The following ANK1 variants were observed in gnomAD, a reference collection of about 807,000 sequenced individuals.
ANK1 encodes ankyrin 1.
A neutral mutation model predicts 210.4 loss-of-function variants in ANK1; 51 were observed. The ratio of observed to expected loss-of-function variants is 0.24; its 90% CI spans 0.19 to 0.31. ANK1 has a LOEUF of 0.31. Ranked by LOEUF, ANK1 falls within the 10% of genes least tolerant of loss-of-function variation. The pLI, the probability that ANK1 is intolerant of heterozygous loss-of-function variation, is 1.00. For synonymous variants in ANK1, 967 were observed against 1,025.9 expected (o/e 0.94, Z 1.10); for missense variants, 2,051 against 2,504.4 (o/e 0.82, Z 3.86).
At chr8:41,861,066 C>T (rs1813177839) in intron 1 of ANK1, among the ~76,000 whole-genome samples, 1 of 152,172 alleles carries the variant, frequency 6.6e-6, no homozygotes, top group South Asian at 2.1e-4. Context: ...GAAGAATCAA[C>T]AGGTGCCAGG....
At chr8:41,777,263 C>T (rs1844253786) in intron 1 of ANK1, among the ~76,000 whole-genome samples, 1 of 152,090 alleles carries the variant, frequency 6.6e-6, no homozygotes, top group Non-Finnish European at 1.5e-5. Context: ...CCTCTTAAAG[C>T]CTTGGCTTCA....
chr8:41,883,601 A>C (rs531896279), intron 1 of ANK1, among the ~76,000 whole-genome samples: 1 of 152,268 alleles, frequency 6.6e-6, no homozygotes, highest in South Asian at 2.1e-4. Context: ...CTGGGAATAC[A>C]GGCACGCACC....
chr8:41,659,006 A>G (rs1806829211), intron 42 of ANK1, among the ~76,000 whole-genome samples: 1 of 152,268 alleles, frequency 6.6e-6, no homozygotes. Context: ...TTAGGCTCCC[A>G]TGAGCCTCTG....
intron 8 of ANK1, 148 bp downstream of exon 8, chr8:41,723,387 C>T (rs562214725): frequency 2.1e-5 from 24 of 1,149,992 alleles, no homozygotes; most frequent in African/African-American, 1.7e-4. Flanking sequence ...CCACTGCACG[C>T]GGCACTGCCC....
At chr8:41,700,431 C>T (rs1378078330) in intron 22 of ANK1, 2 of 1,613,434 alleles carry the variant, frequency 1.2e-6, no homozygotes, top group Non-Finnish European at 1.7e-6. Context: ...CATTTCATAC[C>T]CATTATAGTT....
chr8:41,795,920 T>C (rs1328834064), intron 1 of ANK1, among the ~76,000 whole-genome samples: 1 of 152,196 alleles, frequency 6.6e-6, no homozygotes, highest in Non-Finnish European at 1.5e-5. Context: ...CTTGTAATGA[T>C]ACCAACACGT....
rs374154854 is a variant in ANK1 at position 41,668,508 on chromosome 8, T to G, written c.5153A>C (p.Gln1718Pro). 1 of 1,614,098 alleles carries G rather than the reference T, an allele frequency of 6.2e-7. No homozygotes were observed. The highest frequency in any genetic ancestry group is 8.5e-7 in the Non-Finnish European group (1 of 1,180,048). ...CGTGACCTCCTCTTGCCAGGAACCT[T>G]GTGCAGCATCTTGCAGGTATGAGAC... ...SIVSYLQDAAQGSWQEEVTQG... is the reference protein window; with the variant it reads ...SIVSYLQDAAPGSWQEEVTQG... Residue 1718 changes from glutamine (Q) to proline (P), a missense_variant, in exon 39 of 43, where the codon CAA becomes CCA. Gln to Pro is a moderately conservative substitution (Grantham distance 76). This residue lies in a region of ANK1 where 496 missense variants were observed against 533.4 expected (regional missense o/e 0.93). Coordinates refer to ENST00000289734, the MANE Select transcript of ANK1 (RefSeq NM_000037.4).
chr8:41,742,445 T>A (rs996948313), intron 2 of ANK1, among the ~76,000 whole-genome samples: 1 of 152,214 alleles, frequency 6.6e-6, no homozygotes, highest in Non-Finnish European at 1.5e-5. Flanking sequence ...ATTTCACCCG[T>A]GCACAAGGCT....
At chr8:41,893,678 C>G (rs1047006083) in intron 1 of ANK1, among the ~76,000 whole-genome samples, 1 of 152,146 alleles carries the variant, frequency 6.6e-6, no homozygotes, top group East Asian at 1.9e-4. Context: ...ATTCAGAATG[C>G]CCTTGGCTCA....
At chr8:41,894,532 T>A (rs533468258) in intron 1 of ANK1, among the ~76,000 whole-genome samples, 18 of 152,178 alleles carry the variant, frequency 1.2e-4, no homozygotes, top group African/African-American at 4.3e-4. Flanking sequence ...TTTCACAGAA[T>A]GGAAAAGAAT....
chr8:41,723,313 C>A (rs1041259325), intron 8 of ANK1, 90 bp from the exon 9 acceptor site: 10 of 1,402,456 alleles, frequency 7.1e-6, no homozygotes, highest in Non-Finnish European at 1.0e-5. Context: ...TCATCCCAGC[C>A]CACGCAAGTG....
chr8:41,694,218 G>T lies in ANK1; in HGVS notation c.3328-116C>A. 3 of 1,126,848 alleles carry T rather than the reference G, an allele frequency of 2.7e-6. No individual in the cohort carries two copies. Among genetic ancestry groups the T allele is most frequent in the Non-Finnish European group, 3.8e-6 (3 of 788,652 alleles). 69.8% of individuals were successfully genotyped at this position (1,126,848 alleles called of 1,614,324 possible). A position where few individuals can be genotyped will look rare whatever the true frequency, so the allele number is the denominator to read the frequency against. The stretch of plus-strand genomic sequence containing the variant: ...TCAGTGCACGGGGTCCCGCCCTGCT[G>T]TTGGACCACAGAACCGACACGGTGG... On this transcript the variant is annotated intron_variant, in intron 28 of 42. Transcript: ENST00000289734. This position sits in a 1 kb window ranked among gnomAD's most constrained non-coding sequence, Gnocchi z 5.7.
intron 1 of ANK1, among the ~76,000 whole-genome samples, chr8:41,803,029 GAA>G (rs1257420744): frequency 4.7e-5 from 4 of 85,438 alleles, no homozygotes; most frequent in African/African-American, 1.0e-4. Context: ...AAGAAAGAAA[GAA>G]AGAAAGAAAG....
At chr8:41,740,702 T>G (rs1173259295) in intron 2 of ANK1, among the ~76,000 whole-genome samples, 1 of 152,174 alleles carries the variant, frequency 6.6e-6, no homozygotes, top group Admixed American at 6.5e-5. Flanking sequence ...CACCCCTCAA[T>G]GTCTACTTCA....
chr8:41,853,456 G>A (rs1034017228), intron 1 of ANK1, among the ~76,000 whole-genome samples: 1 of 152,060 alleles, frequency 6.6e-6, no homozygotes, highest in Non-Finnish European at 1.5e-5. Flanking sequence ...TTTCTTCTGG[G>A]GTCAGAACAC....
In ANK1 at chr8:41,704,068, G is replaced by A. The variant is rs759268149; in HGVS notation, c.2268C>T (p.Asn756=). 83 of 1,613,992 alleles carry A rather than the reference G, an allele frequency of 5.1e-5. No homozygotes were observed. Among genetic ancestry groups the A allele is most frequent in the East Asian group, 4.5e-5 (2 of 44,876 alleles). ...HTDIVTLLLK[N]GASPNEVSSD... ...AGCTGACCTCGTTTGGGGAAGCACC[G>A]TTTTTCAGAAGCAGAGTCACGATGT... is the stretch of plus-strand genomic sequence containing the variant. The change falls in exon 20 of 43, where the codon AAC becomes AAT. Residue 756 remains asparagine, a synonymous_variant. Coordinates refer to ENST00000289734, the MANE Select transcript of ANK1 (RefSeq NM_000037.4). This position sits in a 1 kb window ranked among gnomAD's most constrained non-coding sequence, Gnocchi z 4.1.
chr8:41,658,721 C>T (rs541084578), intron 42 of ANK1, among the ~76,000 whole-genome samples: 9 of 152,120 alleles, frequency 5.9e-5, no homozygotes, highest in African/African-American at 2.2e-4. Flanking sequence ...GGTGAAACCC[C>T]GTCTCTACTA....
At chr8:41,686,124 C>T in intron 36 of ANK1, 28 bp downstream of exon 36, 1 of 1,614,216 alleles carries the variant, frequency 6.2e-7, no homozygotes, top group African/African-American at 1.3e-5. Flanking sequence ...GGTCCTAGGA[C>T]AGGCTTCCTC....
intron 1 of ANK1, among the ~76,000 whole-genome samples, chr8:41,876,784 C>G (rs1037994608): frequency 6.6e-6 from 1 of 152,182 alleles, no homozygotes; most frequent in African/African-American, 2.4e-5. Context: ...TCTGGCTGCA[C>G]CACTTTTAAC....
Sources: allele counts gnomAD v4.1 joint callset (sites outside exome capture counted in the v4.1 genomes callset), GRCh38; gene constraint gnomAD v4.1.1; regional missense constraint gnomAD v4.1.1; non-coding constraint Gnocchi (gnomAD v3.1); transcripts MANE v1.5; gene names NCBI Gene and HGNC (gene_info 2026-07-23, HGNC 2026-07-21).